Variants in AP4E1 observed in about 807,000 individuals in gnomAD.
AP4E1 encodes AP-4 complex subunit epsilon-1.
AP4E1 carries 56 observed loss-of-function variants against 128.2 expected under a neutral mutation model. The ratio of observed to expected loss-of-function variants is 0.44; its 90% confidence interval spans 0.35 to 0.55. The LOEUF (loss-of-function observed/expected upper bound fraction) is 0.55. Among genes scored for constraint, AP4E1 ranks in the 20% least tolerant of loss-of-function variants. The pLI is 0.00. For synonymous variants in AP4E1, 484 were observed against 473.1 expected (o/e 1.02, Z -0.30); for missense variants, 1,324 against 1,307.7 (o/e 1.01, Z -0.19).
Position 50,970,732 on chromosome 15 carries a change from C to T in AP4E1, c.1966+2355C>T, listed in dbSNP as rs1180712478. Among the ~76,000 whole-genome samples, 3 of 152,140 alleles carry T rather than the reference C, an allele frequency of 2.0e-5. No homozygotes were observed. In the South Asian group the frequency reaches 6.2e-4, roughly 32 times the overall value. On this transcript the variant is annotated intron_variant, in intron 15 of 20. Transcript: ENST00000261842. ...TGGAACGTCTTTTTCCAACCCCCCA[C>T]TTTCAGTCTGTGTGTCTTTAGAGGT...
intron 13 of AP4E1, among the ~76,000 whole-genome samples, chr15:50,953,447 G>A (rs1567233058): frequency 6.6e-6 from 1 of 152,180 alleles, no homozygotes; most frequent in Non-Finnish European, 1.5e-5. Context: ...TTTAAATTAT[G>A]TGCTGTCCTG....
chr15:50,915,149 A>G (rs953937387), intron 2 of AP4E1, among the ~76,000 whole-genome samples: 54 of 152,314 alleles, frequency 3.5e-4, no homozygotes, highest in African/African-American at 1.3e-3. Flanking sequence ...GACCCCATGT[A>G]TCACATTATA....
At chr15:50,918,285 G>A (rs1451678723) in intron 3 of AP4E1, among the ~76,000 whole-genome samples, 1 of 152,086 alleles carries the variant, frequency 6.6e-6, no homozygotes, top group Non-Finnish European at 1.5e-5. Context: ...GAAACTACCT[G>A]GGAACCTGTT....
chr15:50,968,181 G>A (rs2064420413), intron 14 of AP4E1, 82 bp from the exon 15 acceptor site: 3 of 939,834 alleles, frequency 3.2e-6, no homozygotes, highest in Non-Finnish European at 3.3e-6. Flanking sequence ...AAATATATAT[G>A]GGCTGAAATT....
chr15:50,953,077 G>A (rs1370040987), intron 13 of AP4E1, among the ~76,000 whole-genome samples: 1 of 152,100 alleles, frequency 6.6e-6, no homozygotes, highest in Admixed American at 6.5e-5. Context: ...AAAAGATGGT[G>A]ACCTCCAGAT....
At chr15:50,965,080 T>C (rs924594977) in intron 14 of AP4E1, among the ~76,000 whole-genome samples, 5 of 152,000 alleles carry the variant, frequency 3.3e-5, no homozygotes, top group African/African-American at 9.7e-5. Flanking sequence ...TCTGAGGCCT[T>C]ACAAGAGCTG....
At chr15:50,952,047 C>T (rs1472032887) in intron 13 of AP4E1, among the ~76,000 whole-genome samples, 3 of 151,818 alleles carry the variant, frequency 2.0e-5, no homozygotes, top group Non-Finnish European at 2.9e-5. Context: ...TTTTTAACTA[C>T]ATTTGTTTTA....
chr15:50,994,877 A>G (rs2064848707), intron 17 of AP4E1, among the ~76,000 whole-genome samples: 1 of 152,170 alleles, frequency 6.6e-6, no homozygotes, highest in Admixed American at 6.5e-5. Flanking sequence ...GAAATCGGAA[A>G]TATTATTAGG....
At chr15:50,942,299 G>T (rs1476378952) in intron 10 of AP4E1, among the ~76,000 whole-genome samples, 8 of 152,110 alleles carry the variant, frequency 5.3e-5, no homozygotes, top group Admixed American at 1.3e-4. Flanking sequence ...ATTATGAGTT[G>T]AAGGAATTAG....
intron 13 of AP4E1, among the ~76,000 whole-genome samples, chr15:50,953,332 G>A (rs1185117513): frequency 1.3e-5 from 2 of 151,986 alleles, no homozygotes; most frequent in African/African-American, 4.8e-5. Flanking sequence ...ATGTACAGTC[G>A]GCCCCCTTAT....
chr15:50,924,714 A>G (rs1412694972), intron 4 of AP4E1, among the ~76,000 whole-genome samples: 1 of 152,208 alleles, frequency 6.6e-6, no homozygotes, highest in Non-Finnish European at 1.5e-5. Context: ...TGTGCATTTT[A>G]TTGTGAATAT....
intron 1 of AP4E1, 147 bp from the exon 2 acceptor site, chr15:50,911,931 G>A (rs1442752206): frequency 8.4e-6 from 6 of 710,568 alleles, no homozygotes; most frequent in South Asian, 3.4e-5. Flanking sequence ...TAGATAGATC[G>A]TAAGCAGATA....
chr15:50,969,670 T>C (rs2064450736), intron 15 of AP4E1, among the ~76,000 whole-genome samples: 1 of 151,134 alleles, frequency 6.6e-6, no homozygotes, highest in African/African-American at 2.4e-5. Context: ...CTTTTTTTTT[T>C]TTTTTTTAGA....
intron 14 of AP4E1, among the ~76,000 whole-genome samples, chr15:50,959,759 A>G (rs2064284330): frequency 6.6e-6 from 1 of 152,206 alleles, no homozygotes; most frequent in South Asian, 2.1e-4. Context: ...CAACAAAATG[A>G]CAGTAGTAAG....
intron 11 of AP4E1, among the ~76,000 whole-genome samples, chr15:50,948,849 G>C (rs781487890): frequency 6.6e-5 from 10 of 151,920 alleles, no homozygotes; most frequent in Non-Finnish European, 1.3e-4. Flanking sequence ...GCGCATGCCT[G>C]TAATCCCAGC....
intron 2 of AP4E1, among the ~76,000 whole-genome samples, chr15:50,913,098 T>C (rs1179047710): frequency 6.6e-6 from 1 of 152,206 alleles, no homozygotes; most frequent in Non-Finnish European, 1.5e-5. Flanking sequence ...AGGACGATCA[T>C]TTTGCATAAG....
intron 13 of AP4E1, among the ~76,000 whole-genome samples, chr15:50,955,572 C>T (rs2064210142): frequency 6.6e-6 from 1 of 152,186 alleles, no homozygotes; most frequent in Non-Finnish European, 1.5e-5. Context: ...ATCTTCAGTT[C>T]TGTGGCCTAT....
intron 15 of AP4E1, among the ~76,000 whole-genome samples, chr15:50,968,890 T>G (rs2064435401): frequency 6.6e-6 from 1 of 152,162 alleles, no homozygotes; most frequent in Non-Finnish European, 1.5e-5. Flanking sequence ...AGTGCTAGGA[T>G]TACAGGCGTG....
At chr15:50,983,493 C>T (rs530660941) in intron 15 of AP4E1, among the ~76,000 whole-genome samples, 1 of 152,152 alleles carries the variant, frequency 6.6e-6, no homozygotes, top group South Asian at 2.1e-4. Context: ...ATCTGTCCTA[C>T]CACAGTAACA....
Sources: allele counts gnomAD v4.1 joint callset (sites outside exome capture counted in the v4.1 genomes callset), GRCh38; gene constraint gnomAD v4.1.1; transcripts MANE v1.5; gene names NCBI Gene and HGNC (gene_info 2026-07-23, HGNC 2026-07-21).